DMXL2: variants seen among roughly 807,000 people sequenced by gnomAD.
DMXL2 encodes Dmx like 2, also known as dmX-like protein 2.
DMXL2 carries 103 observed loss-of-function variants against 331.1 expected under a neutral mutation model. The ratio of observed to expected loss-of-function variants is 0.31; its 90% CI spans 0.27 to 0.37. The LOEUF (loss-of-function observed/expected upper bound fraction) is 0.37, where lower values mean the gene tolerates loss of function less well. DMXL2 is among the 10% of genes least tolerant of loss of function. The probability of loss-of-function intolerance (pLI) is 1.00; values close to 1 mark genes in which losing one functional copy is unlikely to be tolerated. For synonymous variants in DMXL2, 1,281 were observed against 1,252.1 expected, an observed-to-expected ratio of 1.02 and a Z score of -0.49; for missense variants, 3,171 against 3,642.9, an observed-to-expected ratio of 0.87 and a Z score of 3.33.
In DMXL2 at chr15:51,536,692, A is replaced by G. The variant is rs764335913; in HGVS notation, c.1788T>C (p.Ser596=). 1 of 1,614,142 alleles carries G rather than the reference A, an allele frequency of 6.2e-7. No homozygotes were observed. The highest frequency in any genetic ancestry group is 8.5e-7 in the Non-Finnish European group (1 of 1,180,012). ...VGSPHGSQPH[S]RSHSTHMNIL... ...TGTTCATATGTGTACTGTGGGATCT[A>G]GAGTGTGGCTGTGATCCGTGAGGAC... is the stretch of plus-strand genomic sequence containing the variant. Residue 596 remains serine, a synonymous_variant, in exon 12 of 44, where the codon TCT becomes TCC. Transcript: ENST00000560891.
chr15:51,535,397 TACAA>T (rs1295365919), intron 13 of DMXL2, among the ~76,000 whole-genome samples: 1 of 152,186 alleles, frequency 6.6e-6, no homozygotes, highest in African/African-American at 2.4e-5. Context: ...TAAAATATGT[TACAA>T]ACAAATAATA....
chr15:51,609,118 T>G (rs545776716), intron 1 of DMXL2, among the ~76,000 whole-genome samples: 2 of 152,278 alleles, frequency 1.3e-5, no homozygotes, highest in South Asian at 4.1e-4. Flanking sequence ...ATCCTGTAAT[T>G]TCTAGAGTAA....
intron 1 of DMXL2, among the ~76,000 whole-genome samples, chr15:51,598,691 T>C (rs1479262946): frequency 6.6e-6 from 1 of 152,200 alleles, no homozygotes; most frequent in Non-Finnish European, 1.5e-5. Flanking sequence ...ATTTAGGTTA[T>C]GGGTTTGGGG....
chr15:51,483,028 G>A (rs990165498), intron 23 of DMXL2, among the ~76,000 whole-genome samples: 5 of 152,170 alleles, frequency 3.3e-5, no homozygotes, highest in Admixed American at 1.3e-4. Flanking sequence ...TCTGCCCACA[G>A]TCAGGAAGAA....
At chr15:51,467,766 G>C (rs1420939397) in intron 29 of DMXL2, among the ~76,000 whole-genome samples, 1 of 141,818 alleles carries the variant, frequency 7.1e-6, no homozygotes, top group South Asian at 2.2e-4. Context: ...TCACTCTGTT[G>C]CCCAGGCTAG....
chr15:51,503,864 A>T (rs983606801), intron 16 of DMXL2, among the ~76,000 whole-genome samples: 23 of 152,230 alleles, frequency 1.5e-4, no homozygotes, highest in African/African-American at 2.9e-4. Flanking sequence ...AAATTTTTTT[A>T]AAAAAATTAC....
Position 51,458,894 on chromosome 15 carries a change from T to TAGC in DMXL2, c.7990-102_7990-100dup, listed in dbSNP as rs3830518. Reference sequence around the variant, plus strand: ...TTAAATGTAGGATAAGAAGAAAATGTAGCAGCAGCAGCAGCAGCAGCAGCA... The same window carrying TAGC: ...TTAAATGTAGGATAAGAAGAAAATGTAGCAGCAGCAGCAGCAGCAGCAGCAGCA... On this transcript the variant is annotated intron_variant, in intron 34 of 43. Transcript: ENST00000560891. 7,092 of 772,724 alleles carry TAGC rather than the reference T, an allele frequency of 9.2e-3. 73 individuals carry two copies. Among genetic ancestry groups the TAGC allele is most frequent in the East Asian group, 0.032 (1,278 of 39,562 alleles). 47.9% of individuals were successfully genotyped at this position (772,724 alleles called of 1,614,324 possible).
chr15:51,566,498 T>C (rs2050301187), intron 3 of DMXL2, among the ~76,000 whole-genome samples: 1 of 152,072 alleles, frequency 6.6e-6, no homozygotes, highest in Admixed American at 6.6e-5. Context: ...CAGAGTGCAA[T>C]CTGTGGAGCA....
At chr15:51,524,694 T>C (rs897620462) in intron 13 of DMXL2, among the ~76,000 whole-genome samples, 31 of 152,082 alleles carry the variant, frequency 2.0e-4, no homozygotes, top group African/African-American at 7.0e-4. Flanking sequence ...CGCTCACCCA[T>C]GGAGGGAGCC....
rs904878641 is a variant in DMXL2, at chr15:51,610,990, T to C, written c.87+11469A>G. 2.6e-5 allele frequency among the ~76,000 whole-genome samples: 4 copies of C among 152,094 alleles called. No homozygotes were observed. In the South Asian group the frequency reaches 8.3e-4, roughly 32 times the overall value. On this transcript the variant is annotated intron_variant, in intron 1 of 43. Transcript: ENST00000560891. ...CTTTGTAGAATGCAGAGAATGCAGA[T>C]CTTGGAAGAAAACGTACATTCTAAA...
intron 9 of DMXL2, 69 bp from the exon 10 acceptor site, chr15:51,538,521 T>C (rs1014894141): frequency 1.6e-6 from 2 of 1,256,344 alleles, no homozygotes; most frequent in Non-Finnish European, 1.1e-6. Context: ...GTGCTTACAA[T>C]GACTAATCTA....
chr15:51,491,524 TCGTTAGGAAAAGG>T, intron 20 of DMXL2, 41 bp downstream of exon 20: 1 of 1,518,702 alleles, frequency 6.6e-7, no homozygotes, highest in Admixed American at 2.2e-5. Context: ...TATCTTTTTT[TCGTTAGGAAAAGG>T]TTTTTTTAAT....
At chr15:51,531,985 T>G (rs1358645765) in intron 13 of DMXL2, among the ~76,000 whole-genome samples, 1 of 152,132 alleles carries the variant, frequency 6.6e-6, no homozygotes, top group Non-Finnish European at 1.5e-5. Context: ...AAAGCTAAAA[T>G]AGACCTACCA....
chr15:51,596,521 C>A (rs926714567), intron 1 of DMXL2, among the ~76,000 whole-genome samples: 2 of 152,198 alleles, frequency 1.3e-5, no homozygotes, highest in African/African-American at 4.8e-5. Flanking sequence ...GGCAATTCCT[C>A]AGGGATCTTG....
intron 15 of DMXL2, among the ~76,000 whole-genome samples, chr15:51,509,927 A>G (rs1301560086): frequency 6.6e-6 from 1 of 152,228 alleles, no homozygotes; most frequent in Non-Finnish European, 1.5e-5. Context: ...AATGTACTCC[A>G]TCACGTAAAC....
intron 43 of DMXL2, among the ~76,000 whole-genome samples, chr15:51,449,592 C>T (rs566665003): frequency 3.5e-4 from 53 of 152,278 alleles, no homozygotes; most frequent in Admixed American, 1.4e-3. Flanking sequence ...GAAAGCAATA[C>T]GCATTCAGCA....
Position 51,462,058 on chromosome 15 carries a change from A to C in DMXL2, c.7926+1321T>G, listed in dbSNP as rs539327862. On this transcript the variant is annotated intron_variant, in intron 33 of 43. Coordinates refer to ENST00000560891, the MANE Select transcript of DMXL2 (RefSeq NM_001378457.1). ...TAACTAGGACTCAAAAGGTCTCTAC[A>C]GTTCATTCTTCTACTTCCTCATTTA... is the stretch of plus-strand genomic sequence containing the variant. Among the ~76,000 whole-genome samples the C allele has an allele frequency of 1.2e-4, 19 of 152,304 alleles. 1 individual carries two copies. The South Asian group carries it at 3.9e-3, about 32-fold the overall frequency.
intron 3 of DMXL2, among the ~76,000 whole-genome samples, chr15:51,566,232 G>GGT (rs71127197): frequency 0.011 from 1,616 of 144,794 alleles, 26 homozygotes; most frequent in African/African-American, 0.025. Flanking sequence ...GTGTGTGTGG[G>GGT]GTGTGTGTGT....
At chr15:51,574,532 T>C (rs1298680580) in intron 2 of DMXL2, among the ~76,000 whole-genome samples, 4 of 152,112 alleles carry the variant, frequency 2.6e-5, no homozygotes, top group African/African-American at 7.2e-5. Flanking sequence ...AAAATCATAA[T>C]CCACAACAGA....
Sources: allele counts gnomAD v4.1 joint callset (sites outside exome capture counted in the v4.1 genomes callset), GRCh38; gene constraint gnomAD v4.1.1; transcripts MANE v1.5; gene names NCBI Gene and HGNC (gene_info 2026-07-23, HGNC 2026-07-21).